IL1RAPL1: variants seen among roughly 807,000 people sequenced by gnomAD.
IL1RAPL1 encodes interleukin 1 receptor accessory protein like 1.
In IL1RAPL1, 3 loss-of-function variants were observed where a neutral mutation model predicts 48.4. The observed-to-expected ratio is 0.06, with a 90% CI of 0.03 to 0.16. IL1RAPL1 has a LOEUF of 0.16. Among genes scored for constraint, IL1RAPL1 ranks in the 10% least tolerant of loss-of-function variants. The pLI is 1.00. For missense variants in IL1RAPL1, 349 were observed against 530.6 expected (o/e 0.66, Z 3.36); for synonymous variants, 185 against 187.7 (o/e 0.99, Z 0.12).
intron 2 of IL1RAPL1, among the ~76,000 whole-genome samples, chrX:29,081,014 CTCTCTCTT>C (rs1927816609): frequency 3.0e-5 from 2 of 67,476 alleles, no homozygotes; most frequent in African/African-American, 5.3e-5. Flanking sequence ...CTCTCTCTCT[CTCTCTCTT>C]TCTTTTCTTT....
intron 2 of IL1RAPL1, among the ~76,000 whole-genome samples, chrX:28,875,164 A>G (rs1922335215): frequency 8.9e-6 from 1 of 112,231 alleles, no homozygotes; most frequent in Admixed American, 9.4e-5. Flanking sequence ...AATGTAATAT[A>G]TGGATAGAAA....
chrX:29,804,015 A>G (rs1003852617), intron 6 of IL1RAPL1, among the ~76,000 whole-genome samples: 23 of 111,963 alleles, frequency 2.1e-4, no homozygotes, highest in Non-Finnish European at 3.4e-4. Flanking sequence ...ATTGATTTAT[A>G]TAAATCTTTC....
chrX:29,699,748 T>C (rs1927005375), intron 6 of IL1RAPL1, among the ~76,000 whole-genome samples: 1 of 112,287 alleles, frequency 8.9e-6, no homozygotes, highest in Admixed American at 9.5e-5. Context: ...GATTAAATGT[T>C]ATTGATTTTA....
intron 5 of IL1RAPL1, among the ~76,000 whole-genome samples, chrX:29,496,577 C>T (rs1335982758): frequency 9.3e-6 from 1 of 107,173 alleles, no homozygotes; most frequent in African/African-American, 3.4e-5. Flanking sequence ...GATGCCAGCA[C>T]CACGCTCCCT....
chrX:29,938,443 G>A (rs1018723181), intron 8 of IL1RAPL1, among the ~76,000 whole-genome samples: 18 of 111,414 alleles, frequency 1.6e-4, no homozygotes, highest in African/African-American at 5.9e-4. Context: ...GTGCTTGGGG[G>A]CACCGTAAAA....
chrX:29,676,258 A>G (rs760243905), intron 6 of IL1RAPL1, among the ~76,000 whole-genome samples: 5 of 112,451 alleles, frequency 4.4e-5, no homozygotes, highest in Admixed American at 9.4e-5. Flanking sequence ...TATATTAAGT[A>G]GTCAATACAT....
intron 2 of IL1RAPL1, among the ~76,000 whole-genome samples, chrX:29,184,333 G>A (rs1930208965): frequency 9.0e-6 from 1 of 111,358 alleles, no homozygotes; most frequent in African/African-American, 3.3e-5. Flanking sequence ...AAATTAACCA[G>A]TGCTCACCTG....
rs1031131362 is a variant in IL1RAPL1 at position 28,768,099 on chromosome X, A to G, written c.-24-21221A>G. Among the ~76,000 whole-genome samples, 5 of 111,598 alleles carry G rather than the reference A, an allele frequency of 4.5e-5. No individual in the cohort carries two copies. In the Admixed American group the frequency reaches 4.8e-4, roughly 11 times the overall value. On this transcript the variant is annotated intron_variant, in intron 1 of 10. Transcript: ENST00000378993. ...TTAGAGAGTCCTGAGAAGTCCATGA[A>G]TATTAAACACATCGTGTGGATTTTT...
intron 5 of IL1RAPL1, among the ~76,000 whole-genome samples, chrX:29,581,002 G>T (rs1180663420): frequency 8.9e-6 from 1 of 111,899 alleles, no homozygotes; most frequent in Non-Finnish European, 1.9e-5. Flanking sequence ...ACATCTCAAT[G>T]TAGTCTAAAA....
At chrX:28,762,786 GCACACACACACA>G (rs759005946) in intron 1 of IL1RAPL1, among the ~76,000 whole-genome samples, 55 of 62,967 alleles carry the variant, frequency 8.7e-4, no homozygotes, top group Non-Finnish European at 3.5e-4. Flanking sequence ...GCACGCGCGC[GCACACACACACA>G]CACACACACA....
At chrX:28,892,732 G>A (rs747060163) in intron 2 of IL1RAPL1, among the ~76,000 whole-genome samples, 15 of 110,804 alleles carry the variant, frequency 1.4e-4, no homozygotes, top group African/African-American at 4.3e-4. Flanking sequence ...AGAGTGGGAG[G>A]GATTAAGCTG....
At chrX:29,261,405 C>T (rs180979292) in intron 2 of IL1RAPL1, among the ~76,000 whole-genome samples, 177 of 111,224 alleles carry the variant, frequency 1.6e-3, no homozygotes, top group African/African-American at 5.7e-3. Context: ...CAATTCCATG[C>T]CTTAGGCTAA....
intron 2 of IL1RAPL1, among the ~76,000 whole-genome samples, chrX:28,815,882 T>TATATATAA (rs1555926465): frequency 1.3e-4 from 10 of 75,520 alleles, no homozygotes; most frequent in East Asian, 4.3e-4. Context: ...TATATATATA[T>TATATATAA]ATAATTTTTT....
At chrX:29,397,630 C>CATCT (rs766860560) in intron 4 of IL1RAPL1, among the ~76,000 whole-genome samples, 47 of 110,628 alleles carry the variant, frequency 4.2e-4, no homozygotes, top group South Asian at 1.2e-3. Flanking sequence ...TTATCCTTAA[C>CATCT]CACCCTCACA....
chrX:28,858,340 A>G (rs1270018294), intron 2 of IL1RAPL1, among the ~76,000 whole-genome samples: 1 of 112,268 alleles, frequency 8.9e-6, no homozygotes, highest in African/African-American at 3.2e-5. Context: ...TCCAAATTTT[A>G]AAGAAGTTCT....
chrX:28,806,844 C>T (rs956637671), intron 2 of IL1RAPL1, among the ~76,000 whole-genome samples: 2 of 110,754 alleles, frequency 1.8e-5, no homozygotes, highest in African/African-American at 6.6e-5. Context: ...CTAGGGTTTC[C>T]GGCTTCCTGT....
chrX:29,463,920 A>G (rs1377436288), intron 5 of IL1RAPL1, among the ~76,000 whole-genome samples: 2 of 111,373 alleles, frequency 1.8e-5, no homozygotes, highest in African/African-American at 6.5e-5. Flanking sequence ...ACCGACCAAC[A>G]GTTAGCCTCC....
intron 2 of IL1RAPL1, among the ~76,000 whole-genome samples, chrX:28,897,720 G>A (rs779153782): frequency 8.9e-6 from 1 of 112,082 alleles, no homozygotes; most frequent in African/African-American, 3.2e-5. Flanking sequence ...AATTTCACTC[G>A]CGTCTGTGTG....
intron 1 of IL1RAPL1, among the ~76,000 whole-genome samples, chrX:28,769,095 A>G (rs1159555657): frequency 1.8e-5 from 2 of 108,465 alleles, no homozygotes. Flanking sequence ...GTGAAAAGAA[A>G]TGATGGTGTA....
Sources: allele counts gnomAD v4.1 joint callset (sites outside exome capture counted in the v4.1 genomes callset), GRCh38; gene constraint gnomAD v4.1.1; transcripts MANE v1.5; gene names NCBI Gene and HGNC (gene_info 2026-07-23, HGNC 2026-07-21).